DLGAP2: variants seen among roughly 807,000 people sequenced by gnomAD.
The protein encoded by DLGAP2 is disks large-associated protein 2.
In DLGAP2, 26 loss-of-function variants were observed where a neutral mutation model predicts 100.3. The ratio of observed to expected loss-of-function variants is 0.26; its 90% CI spans 0.19 to 0.36. The LOEUF is 0.36. DLGAP2 is among the 10% of genes least tolerant of loss of function. The pLI is 1.00. For missense variants in DLGAP2, 1,858 were observed against 1,453.2 expected (o/e 1.28, Z -4.53); for synonymous variants, 886 against 630.1 (o/e 1.41, Z -6.08).
chr8:976,245 G>A (rs1336683652), intron 2 of DLGAP2, among the ~76,000 whole-genome samples: 1 of 152,134 alleles, frequency 6.6e-6, no homozygotes, highest in Non-Finnish European at 1.5e-5. Flanking sequence ...TTATTAGAAA[G>A]GTACTGTAAT....
At chr8:1,389,943 G>A (rs1203589603) in intron 3 of DLGAP2, among the ~76,000 whole-genome samples, 1 of 152,086 alleles carries the variant, frequency 6.6e-6, no homozygotes, top group Admixed American at 6.5e-5. Flanking sequence ...CCCAGCTCCG[G>A]CACAGACAGC....
chr8:970,408 G>C (rs1429645317), intron 2 of DLGAP2, among the ~76,000 whole-genome samples: 3 of 152,154 alleles, frequency 2.0e-5, no homozygotes, highest in African/African-American at 2.4e-5. Context: ...TTTCTCCAGA[G>C]AGGTGGCTGA....
At chr8:1,316,863 C>T (rs1800765864) in intron 3 of DLGAP2, among the ~76,000 whole-genome samples, 2 of 143,258 alleles carry the variant, frequency 1.4e-5, no homozygotes, top group Non-Finnish European at 3.0e-5. Flanking sequence ...CAGTGGTCTA[C>T]ACTCGAGAAA....
chr8:788,351 G>A (rs377600953), intron 1 of DLGAP2, among the ~76,000 whole-genome samples: 4 of 152,238 alleles, frequency 2.6e-5, no homozygotes, highest in African/African-American at 9.6e-5. Context: ...TGGTCTGGTC[G>A]AGGCCTCGGC....
At chr8:1,353,284 C>T (rs904907044) in intron 3 of DLGAP2, among the ~76,000 whole-genome samples, 23 of 152,204 alleles carry the variant, frequency 1.5e-4, no homozygotes, top group Admixed American at 2.6e-4. Flanking sequence ...GAGGGACAGA[C>T]GGTCCTGGCT....
At chr8:1,182,410 C>G (rs1366266165) in intron 2 of DLGAP2, among the ~76,000 whole-genome samples, 1 of 152,178 alleles carries the variant, frequency 6.6e-6, no homozygotes, top group African/African-American at 2.4e-5. Context: ...TCAGTAGGAC[C>G]TGAGCGTGCA....
intron 3 of DLGAP2, among the ~76,000 whole-genome samples, chr8:1,334,125 T>A (rs1462638734): frequency 6.6e-6 from 1 of 152,214 alleles, no homozygotes; most frequent in East Asian, 1.9e-4. Flanking sequence ...CACACAGTGA[T>A]GCCAGTGAGT....
intron 12 of DLGAP2, among the ~76,000 whole-genome samples, chr8:1,683,888 G>GTATACATATATA (rs1563061173): frequency 2.8e-5 from 3 of 108,720 alleles, no homozygotes; most frequent in Non-Finnish European, 3.6e-5. Context: ...GTGTGTGTGT[G>GTATACATATATA]TGTGTGTGTA....
chr8:1,669,794 G>A lies in DLGAP2; in HGVS notation c.2202+10G>A, dbSNP rs755365584. The A allele has an allele frequency of 7.7e-6, 6 of 780,778 alleles. No individual in the cohort carries two copies. The highest frequency in any genetic ancestry group is 6.8e-5 in the African/African-American group (4 of 59,150). 48.4% of individuals were successfully genotyped at this position (780,778 alleles called of 1,614,324 possible). Reference sequence around the variant, plus strand: ...ATACCCAAGGTCAGATGTAAGTACCGAAATGTGCTCCAAAGCCGCGTCCGC... The same window carrying A: ...ATACCCAAGGTCAGATGTAAGTACCAAAATGTGCTCCAAAGCCGCGTCCGC... On this transcript the variant is annotated intron_variant, in intron 10 of 14. Transcript: ENST00000637795.
intron 6 of DLGAP2, among the ~76,000 whole-genome samples, chr8:1,579,789 G>A (rs751439900): frequency 4.6e-5 from 7 of 152,156 alleles, no homozygotes; most frequent in African/African-American, 7.2e-5. Context: ...GTTACATATC[G>A]TTGCGTGACA....
At chr8:1,495,162 T>C (rs1799507100) in intron 3 of DLGAP2, among the ~76,000 whole-genome samples, 1 of 152,216 alleles carries the variant, frequency 6.6e-6, no homozygotes, top group Non-Finnish European at 1.5e-5. Flanking sequence ...AATGGAGTCC[T>C]GTGGGTTCAT....
At chr8:808,231 A>G (rs1425080968) in intron 1 of DLGAP2, among the ~76,000 whole-genome samples, 2 of 152,132 alleles carry the variant, frequency 1.3e-5, no homozygotes, top group Non-Finnish European at 2.9e-5. Context: ...TGCCTCAGTG[A>G]TACGTGTTGA....
intron 2 of DLGAP2, among the ~76,000 whole-genome samples, chr8:1,081,318 T>C (rs1803800703): frequency 6.6e-6 from 1 of 152,224 alleles, no homozygotes; most frequent in African/African-American, 2.4e-5. Context: ...TGTTGCTAAA[T>C]TTCTGGTTAA....
chr8:1,430,027 TACAC>T (rs58468404), intron 3 of DLGAP2, among the ~76,000 whole-genome samples: 1,011 of 76,728 alleles, frequency 0.013, 90 homozygotes, highest in African/African-American at 0.021. Flanking sequence ...TATATATATA[TACAC>T]ACACACACAT....
In DLGAP2 at chr8:1,497,612, A is replaced by G. The variant is rs10093255; in HGVS notation, c.107-3754A>G. ...GCATTTCTGAGGTCGCTGAGATGGT[A>G]ATTAGCATTTCTCCCATGCTGTCCC... On this transcript the variant is annotated intron_variant, in intron 3 of 14. Coordinates refer to ENST00000637795, the MANE Select transcript of DLGAP2 (RefSeq NM_001346810.2). Among the ~76,000 whole-genome samples the G allele has an allele frequency of 7.3e-3, 1,112 of 152,274 alleles. 5 individuals are homozygous for G. Among genetic ancestry groups the G allele is most frequent in the Non-Finnish European group, 0.012 (783 of 68,004 alleles).
intron 8 of DLGAP2, among the ~76,000 whole-genome samples, chr8:1,651,104 C>T (rs868112015): frequency 6.6e-6 from 1 of 152,086 alleles, no homozygotes; most frequent in Non-Finnish European, 1.5e-5. Context: ...TCAAACGTAC[C>T]ATCCAGCGTC....
chr8:1,253,636 G>T (rs1229133756), intron 2 of DLGAP2, among the ~76,000 whole-genome samples: 2 of 126,808 alleles, frequency 1.6e-5, no homozygotes, highest in African/African-American at 5.9e-5. Context: ...GAATGAGCCG[G>T]TTCTCAGCGG....
chr8:1,118,271 A>C (rs544255263), intron 2 of DLGAP2, among the ~76,000 whole-genome samples: 1 of 152,140 alleles, frequency 6.6e-6, no homozygotes, highest in East Asian at 1.9e-4. Flanking sequence ...CTTCAGCTTC[A>C]CTCTGGTGCT....
intron 5 of DLGAP2, among the ~76,000 whole-genome samples, chr8:1,553,334 G>A (rs1049643330): frequency 2.6e-5 from 4 of 152,184 alleles, no homozygotes; most frequent in African/African-American, 4.8e-5. Context: ...GAAGAGGTTC[G>A]GACCCTACTC....
Sources: allele counts gnomAD v4.1 joint callset (sites outside exome capture counted in the v4.1 genomes callset), GRCh38; gene constraint gnomAD v4.1.1; transcripts MANE v1.5; gene names NCBI Gene and HGNC (gene_info 2026-07-23, HGNC 2026-07-21).